Variants in IRAK2 observed in about 807,000 individuals in gnomAD.
IRAK2 encodes interleukin-1 receptor-associated kinase-like 2.
In IRAK2, 57 loss-of-function variants were observed where a neutral mutation model predicts 72.0. That is an observed-to-expected ratio of 0.79 (90% confidence interval 0.64 to 0.99). IRAK2 has a LOEUF of 0.99. Ranked by LOEUF, IRAK2 falls within the 50% of genes least tolerant of loss-of-function variation. The pLI, the probability that IRAK2 is intolerant of heterozygous loss-of-function variation, is 0.00. For synonymous variants in IRAK2, 293 were observed against 312.7 expected (o/e 0.94, Z 0.67); for missense variants, 790 against 794.4 (o/e 0.99, Z 0.07).
At position 10,219,763 on chromosome 3, in the gene IRAK2, G is replaced by GA. The variant is rs750007101; in HGVS notation, c.987_988insA (p.Glu330ArgfsTer11). On this transcript the variant is annotated frameshift_variant, in exon 8 of 13. Transcript: ENST00000256458. LOFTEE classifies it high-confidence loss of function. Reference sequence around the variant, plus strand: ...GTGCCGTCGAGTACCTGCATGGTCTGGAGATCATCCACAGCAACGTCAAGA... The same window carrying GA: ...GTGCCGTCGAGTACCTGCATGGTCTGAGAGATCATCCACAGCAACGTCAAGA... 1.2e-6 allele frequency: 2 copies of GA among 1,613,612 alleles called. No individual in the cohort carries two copies. Among genetic ancestry groups the GA allele is most frequent in the Non-Finnish European group, 1.7e-6 (2 of 1,179,674 alleles).
chr3:10,171,980 G>A (rs1375785686), intron 1 of IRAK2, among the ~76,000 whole-genome samples: 1 of 151,470 alleles, frequency 6.6e-6, no homozygotes, highest in Non-Finnish European at 1.5e-5. Context: ...GCTCACGGCT[G>A]TAATCTCAGC....
At chr3:10,223,792 C>T (rs1471018822) in intron 9 of IRAK2, among the ~76,000 whole-genome samples, 2 of 152,242 alleles carry the variant, frequency 1.3e-5, no homozygotes, top group Non-Finnish European at 2.9e-5. Flanking sequence ...CAAGTGCATA[C>T]AGCTGCCCCT....
At chr3:10,230,336 T>C (rs1391607513) in intron 10 of IRAK2, among the ~76,000 whole-genome samples, 2 of 151,782 alleles carry the variant, frequency 1.3e-5, no homozygotes, top group Non-Finnish European at 2.9e-5. Flanking sequence ...AGATAGGGTC[T>C]CCTATCTCCT....
At position 10,165,170 on chromosome 3, in the gene IRAK2, C is replaced by A. The variant is rs11465852; in HGVS notation, c.94+122C>A. The A allele has an allele frequency of 2.1e-3, 1,653 of 785,560 alleles. 22 individuals carry two copies. The African/African-American group carries it at 0.026, about 12-fold the overall frequency. The allele number at this position is 785,560 out of a possible 1,614,324, so 48.7% of individuals were successfully genotyped here. A position where few individuals can be genotyped will look rare whatever the true frequency, so the allele number is the denominator to read the frequency against. ...CAGCGGGTCCCGATCCGAGGGCGTGCGAGCTGAGCCTCCTGGACCGGGTCC... is the reference window on the plus strand; with the variant it reads ...CAGCGGGTCCCGATCCGAGGGCGTGAGAGCTGAGCCTCCTGGACCGGGTCC... On this transcript the variant is annotated intron_variant, in intron 1 of 12. Coordinates refer to ENST00000256458, the MANE Select transcript of IRAK2 (RefSeq NM_001570.4).
chr3:10,242,360 G>A lies in IRAK2; in HGVS notation c.*132G>A. ...AAACATCTGCTGTCCTGGGTGGGAG[G>A]GAAACTTCATTTCACTGGAATGAGT... is the stretch of plus-strand genomic sequence containing the variant. On this transcript the variant is annotated 3_prime_UTR_variant, in exon 13 of 13. Coordinates refer to ENST00000256458, the MANE Select transcript of IRAK2 (RefSeq NM_001570.4). 1.9e-6 allele frequency: 1 copy of A among 514,312 alleles called. No homozygotes were observed. The highest frequency in any genetic ancestry group is 3.6e-5 in the Admixed American group (1 of 27,516). 31.9% of individuals were successfully genotyped at this position (514,312 alleles called of 1,614,324 possible).
chr3:10,213,464 T>G lies in IRAK2; in HGVS notation c.724-20T>G, dbSNP rs1263018974. Reference sequence around the variant, plus strand: ...CAGGGGTGGGGCGGGATCTTCATGTTCTGATGTCTTTCTCTACAGACAGCC... The same window carrying G: ...CAGGGGTGGGGCGGGATCTTCATGTGCTGATGTCTTTCTCTACAGACAGCC... On this transcript the variant is annotated intron_variant, in intron 5 of 12. Transcript: ENST00000256458. 1.2e-6 allele frequency: 2 copies of G among 1,613,790 alleles called. No individual in the cohort carries two copies.
At chr3:10,228,964 G>A (rs1174546031) in intron 10 of IRAK2, among the ~76,000 whole-genome samples, 2 of 150,572 alleles carry the variant, frequency 1.3e-5, no homozygotes, top group Admixed American at 1.3e-4. Flanking sequence ...ACAGAGTCTC[G>A]CTCTGTTGCC....
At chr3:10,204,514 C>T (rs568248883) in intron 3 of IRAK2, among the ~76,000 whole-genome samples, 1 of 152,218 alleles carries the variant, frequency 6.6e-6, no homozygotes, top group African/African-American at 2.4e-5. Context: ...ACAAAAAGGC[C>T]AAGGCAGTCG....
At chr3:10,241,419 C>A (rs984526245) in intron 12 of IRAK2, among the ~76,000 whole-genome samples, 1 of 150,052 alleles carries the variant, frequency 6.7e-6, no homozygotes, top group Admixed American at 6.7e-5. Flanking sequence ...ATTAGTTGGG[C>A]GTGGTGGTGG....
chr3:10,201,041 G>GA (rs1225842900), intron 3 of IRAK2, among the ~76,000 whole-genome samples: 8 of 152,134 alleles, frequency 5.3e-5, no homozygotes, highest in African/African-American at 1.9e-4. Flanking sequence ...TAGAAAAGTA[G>GA]AAAAAATCAG....
chr3:10,203,906 G>A (rs1330711370), intron 3 of IRAK2, among the ~76,000 whole-genome samples: 2 of 152,222 alleles, frequency 1.3e-5, no homozygotes, highest in Non-Finnish European at 2.9e-5. Flanking sequence ...ACAGGCATGA[G>A]CCACCGCGCC....
chr3:10,184,902 TA>T (rs1212851752), intron 2 of IRAK2, among the ~76,000 whole-genome samples: 1 of 144,272 alleles, frequency 6.9e-6, no homozygotes, highest in Non-Finnish European at 1.5e-5. Context: ...GCTATTTTTT[TA>T]TTTTTTTTTA....
At chr3:10,202,548 AG>A (rs1248918430) in intron 3 of IRAK2, among the ~76,000 whole-genome samples, 1 of 152,114 alleles carries the variant, frequency 6.6e-6, no homozygotes, top group Non-Finnish European at 1.5e-5. Flanking sequence ...ACTCAAACCC[AG>A]GAGGCGGAGG....
chr3:10,196,104 G>C (rs192819944), intron 2 of IRAK2, among the ~76,000 whole-genome samples: 1 of 152,254 alleles, frequency 6.6e-6, no homozygotes, highest in Admixed American at 6.5e-5. Flanking sequence ...TCTGTACAAG[G>C]GACTGGTTTT....
At chr3:10,177,599 G>C (rs1397025006) in intron 1 of IRAK2, among the ~76,000 whole-genome samples, 1 of 152,220 alleles carries the variant, frequency 6.6e-6, no homozygotes. Context: ...TCAAGGCTTT[G>C]ACCCTCCTGT....
At chr3:10,166,018 C>G (rs1050592449) in intron 1 of IRAK2, among the ~76,000 whole-genome samples, 4 of 151,552 alleles carry the variant, frequency 2.6e-5, no homozygotes, top group Admixed American at 1.3e-4. Context: ...CATGAGCCAC[C>G]GCGCCCGGCC....
At chr3:10,222,348 G>C (rs1162346180) in intron 8 of IRAK2, among the ~76,000 whole-genome samples, 1 of 152,170 alleles carries the variant, frequency 6.6e-6, no homozygotes, top group Non-Finnish European at 1.5e-5. Flanking sequence ...GGCAAGCTGA[G>C]GCTGATCAGG....
chr3:10,206,127 T>C (rs1681671), intron 3 of IRAK2, among the ~76,000 whole-genome samples: 53,491 of 139,688 alleles, frequency 0.38, 9,988 homozygotes, highest in African/African-American at 0.41. Flanking sequence ...GGGAGAGCCT[T>C]GGGACCATGG....
intron 3 of IRAK2, among the ~76,000 whole-genome samples, chr3:10,204,448 C>G (rs756512712): frequency 6.6e-6 from 1 of 152,178 alleles, no homozygotes; most frequent in African/African-American, 2.4e-5. Context: ...TCGGCAGGAC[C>G]AGAGGTGGTG....
Sources: gnomAD v4.1 joint callset for allele counts (sites outside exome capture counted in the v4.1 genomes callset) on GRCh38, gnomAD v4.1.1 for gene constraint, MANE v1.5 for transcripts, NCBI Gene and HGNC (gene_info 2026-07-23, HGNC 2026-07-21) for gene names.